The following BABAM2 variants were observed in gnomAD, a reference collection of about 807,000 sequenced individuals.
BABAM2 encodes the protein BRISC and BRCA1 A complex member 2, also known as BRISC and BRCA1-A complex member 2.
Under a neutral mutation model 54.7 loss-of-function variants are expected in BABAM2, and 31 were observed. The ratio of observed to expected loss-of-function variants is 0.57; its 90% CI spans 0.43 to 0.77. BABAM2 has a LOEUF of 0.77. Among genes scored for constraint, BABAM2 ranks in the 30% least tolerant of loss-of-function variants. BABAM2 has a pLI of 0.00. For missense variants in BABAM2, 364 were observed against 455.8 expected, an observed-to-expected ratio of 0.80 and a Z score of 1.83; for synonymous variants, 167 against 162.9, an observed-to-expected ratio of 1.03 and a Z score of -0.19.
intron 11 of BABAM2, among the ~76,000 whole-genome samples, chr2:28,336,036 T>G (rs1236417919): frequency 6.6e-6 from 1 of 151,940 alleles, no homozygotes; most frequent in Non-Finnish European, 1.5e-5. Flanking sequence ...CCAGATAGAG[T>G]CATTGAATGC....
chr2:28,086,033 G>A (rs1401747914), intron 6 of BABAM2, among the ~76,000 whole-genome samples: 2 of 152,062 alleles, frequency 1.3e-5, no homozygotes, highest in African/African-American at 2.4e-5. Context: ...GCTTTAGGAT[G>A]TGTTAAGGAA....
At chr2:27,924,774 C>T (rs942836640) in intron 2 of BABAM2, among the ~76,000 whole-genome samples, 5 of 152,232 alleles carry the variant, frequency 3.3e-5, no homozygotes, top group Admixed American at 2.0e-4. Context: ...ATGACCAAAC[C>T]AATTTTAGAC....
intron 11 of BABAM2, among the ~76,000 whole-genome samples, chr2:28,310,873 G>T (rs1689016610): frequency 1.3e-5 from 2 of 151,840 alleles, no homozygotes; most frequent in East Asian, 3.9e-4. Flanking sequence ...GACAGAGCAA[G>T]ACCCCGTCTC....
chr2:28,270,684 T>C (rs1465389316), intron 10 of BABAM2, among the ~76,000 whole-genome samples: 3 of 152,218 alleles, frequency 2.0e-5, no homozygotes, highest in Non-Finnish European at 4.4e-5. Context: ...TCTTCTGCTG[T>C]TTCTACAGAA....
chr2:28,091,497 C>T (rs78036379), intron 6 of BABAM2, among the ~76,000 whole-genome samples: 1,790 of 152,218 alleles, frequency 0.012, 30 homozygotes, highest in African/African-American at 0.041. Context: ...CCTATTCATC[C>T]GTCTTTAAAA....
intron 11 of BABAM2, among the ~76,000 whole-genome samples, chr2:28,328,704 C>G (rs111803486): frequency 1.1e-4 from 16 of 152,296 alleles, no homozygotes; most frequent in African/African-American, 3.8e-4. Flanking sequence ...TCTAGTGGCA[C>G]TGGGGTTGGA....
intron 4 of BABAM2, among the ~76,000 whole-genome samples, chr2:28,004,568 A>T (rs923711657): frequency 6.6e-6 from 1 of 152,344 alleles, no homozygotes; most frequent in Middle Eastern, 3.4e-3. Flanking sequence ...AAAATAGTCT[A>T]CCAGAGGTTA....
intron 5 of BABAM2, among the ~76,000 whole-genome samples, chr2:28,029,287 G>A (rs2148577471): frequency 6.6e-6 from 1 of 152,226 alleles, no homozygotes; most frequent in South Asian, 2.1e-4. Flanking sequence ...GTAGTGTTAA[G>A]TATATTCACA....
At chr2:28,310,987 C>A (rs545311361) in intron 11 of BABAM2, among the ~76,000 whole-genome samples, 1 of 151,886 alleles carries the variant, frequency 6.6e-6, no homozygotes, top group Admixed American at 6.6e-5. Flanking sequence ...GTGGGCTGGG[C>A]GCGGTGGCTC....
chr2:28,266,706 G>C (rs1685014412), intron 10 of BABAM2, among the ~76,000 whole-genome samples: 1 of 152,208 alleles, frequency 6.6e-6, no homozygotes, highest in Non-Finnish European at 1.5e-5. Context: ...ACTGTCCTCT[G>C]TACCTGATGC....
chr2:28,319,748 A>G (rs1258027484), intron 11 of BABAM2, among the ~76,000 whole-genome samples: 1 of 152,250 alleles, frequency 6.6e-6, no homozygotes, highest in Admixed American at 6.5e-5. Flanking sequence ...GTGCTTATGC[A>G]GGAGAGCCCA....
Position 28,078,555 on chromosome 2 carries a change from A to G in BABAM2, c.570+32756A>G, listed in dbSNP as rs182385934. On this transcript the variant is annotated intron_variant, in intron 6 of 11. Coordinates refer to ENST00000379624, the MANE Select transcript of BABAM2 (RefSeq NM_199191.3). ...TTTTGCATAGTATATAGGGGGTTTG[A>G]TGCTATCCATGATTTTAGGCATCCA... 3.9e-4 allele frequency among the ~76,000 whole-genome samples: 59 copies of G among 152,300 alleles called. No homozygotes were observed. The East Asian group carries it at 0.011, about 29-fold the overall frequency.
chr2:28,008,734 A>T (rs574514324), intron 4 of BABAM2, among the ~76,000 whole-genome samples: 1 of 152,268 alleles, frequency 6.6e-6, no homozygotes, highest in Admixed American at 6.5e-5. Context: ...GGCACCAGTG[A>T]CATTAAATTG....
intron 11 of BABAM2, among the ~76,000 whole-genome samples, chr2:28,336,717 G>A (rs1691501187): frequency 6.6e-6 from 1 of 152,252 alleles, no homozygotes. Flanking sequence ...AGGCCAGATT[G>A]GAAAGAGGGC....
At chr2:28,164,671 A>T (rs147128145) in intron 7 of BABAM2, among the ~76,000 whole-genome samples, 1 of 152,224 alleles carries the variant, frequency 6.6e-6, no homozygotes, top group African/African-American at 2.4e-5. Flanking sequence ...TCTGGAACAG[A>T]TACTTCCATA....
At chr2:28,303,153 T>A (rs1688242262) in intron 11 of BABAM2, among the ~76,000 whole-genome samples, 1 of 152,178 alleles carries the variant, frequency 6.6e-6, no homozygotes, top group South Asian at 2.1e-4. Flanking sequence ...TGAGCCACTA[T>A]TCCTGCCCTT....
Position 28,178,176 on chromosome 2 carries a change from C to T in BABAM2, c.680+48796C>T, listed in dbSNP as rs551793975. The stretch of plus-strand genomic sequence containing the variant: ...ACAGACATCTACGGTATATTCTACC[C>T]GACAGCTGCAGAAAATACACACATT... On this transcript the variant is annotated intron_variant, in intron 7 of 11. Transcript: ENST00000379624. Among the ~76,000 whole-genome samples, 27 of 152,122 alleles carry T rather than the reference C, an allele frequency of 1.8e-4. No individual in the cohort carries two copies. The South Asian group carries it at 3.9e-3, about 22-fold the overall frequency.
chr2:28,274,073 T>G (rs1685666957), intron 10 of BABAM2, among the ~76,000 whole-genome samples: 1 of 152,260 alleles, frequency 6.6e-6, no homozygotes, highest in African/African-American at 2.4e-5. Context: ...CTGGTTTGTC[T>G]GTGGCTCTTG....
At chr2:27,889,255 AT>A (rs898142333), upstream of BABAM2, among the ~76,000 whole-genome samples, 7 of 152,182 alleles carry the variant, frequency 4.6e-5, no homozygotes, top group African/African-American at 1.7e-4. Flanking sequence ...TGGTGCAGCA[AT>A]TTGGTGACTT....
Sources: allele counts gnomAD v4.1 joint callset (sites outside exome capture counted in the v4.1 genomes callset), GRCh38; gene constraint gnomAD v4.1.1; transcripts MANE v1.5; gene names NCBI Gene and HGNC (gene_info 2026-07-23, HGNC 2026-07-21).